The following ATP6V1E1 variants were observed in gnomAD, a reference collection of about 807,000 sequenced individuals.
ATP6V1E1 encodes the protein V-type proton ATPase subunit E 1.
In ATP6V1E1, 21 loss-of-function variants were observed where a neutral mutation model predicts 35.2. That is an observed-to-expected ratio of 0.60 (90% CI 0.42 to 0.86). The LOEUF is 0.86. ATP6V1E1 is among the 40% of genes least tolerant of loss of function. ATP6V1E1 has a pLI of 0.00. For synonymous variants in ATP6V1E1, 83 were observed against 87.8 expected, an observed-to-expected ratio of 0.95 and a Z score of 0.30; for missense variants, 183 against 272.6, an observed-to-expected ratio of 0.67 and a Z score of 2.32.
intron 7 of ATP6V1E1, among the ~76,000 whole-genome samples, chr22:17,597,603 G>A (rs958235169): frequency 3.9e-5 from 6 of 151,906 alleles, no homozygotes; most frequent in East Asian, 1.9e-4. Context: ...CCACCTCCCC[G>A]CAGAAGGAAA....
In ATP6V1E1 at chr22:17,600,018, G is replaced by A. The variant is rs201960147; in HGVS notation, c.435+9C>T. On this transcript the variant is annotated intron_variant, in intron 6 of 8. Transcript: ENST00000253413. ...GGAGGGAGGGAAAAAATTATCCTAA[G>A]TTCTTTACCTTTACCAGAGGGAAAT... 1.1e-5 allele frequency: 18 copies of A among 1,610,456 alleles called. No individual in the cohort carries two copies. The Admixed American group carries it at 2.5e-4, about 22-fold the overall frequency.
chr22:17,601,216 C>T (rs777750348), intron 4 of ATP6V1E1, 35 bp from the exon 5 acceptor site: 2 of 1,582,594 alleles, frequency 1.3e-6, no homozygotes, highest in African/African-American at 2.7e-5. Context: ...GTTATCTACA[C>T]ATCTGGGCAG....
chr22:17,604,615 G>A (rs1484994613), intron 4 of ATP6V1E1, among the ~76,000 whole-genome samples: 2 of 151,174 alleles, frequency 1.3e-5, no homozygotes, highest in African/African-American at 4.9e-5. Context: ...CGCCCCCTGG[G>A]TTCAAGCGAT....
chr22:17,595,690 G>A (rs546666235), intron 7 of ATP6V1E1, among the ~76,000 whole-genome samples: 1 of 152,270 alleles, frequency 6.6e-6, no homozygotes, highest in South Asian at 2.1e-4. Flanking sequence ...GCATGGTGGG[G>A]CGTGCCTGTA....
intron 2 of ATP6V1E1, among the ~76,000 whole-genome samples, chr22:17,615,321 A>G (rs2057838323): frequency 6.6e-6 from 1 of 152,080 alleles, no homozygotes; most frequent in African/African-American, 2.4e-5. Flanking sequence ...TAATTTTTTT[A>G]TACATAAATT....
intron 6 of ATP6V1E1, 53 bp from the exon 7 acceptor site, chr22:17,598,341 T>A: frequency 7.1e-7 from 1 of 1,402,402 alleles, no homozygotes; most frequent in Non-Finnish European, 1.0e-6. Context: ...GAAGCAAGTA[T>A]CCAAAAACTC....
At chr22:17,614,565 A>G (rs1237146761) in intron 2 of ATP6V1E1, among the ~76,000 whole-genome samples, 1 of 151,496 alleles carries the variant, frequency 6.6e-6, no homozygotes, top group Non-Finnish European at 1.5e-5. Context: ...CCAGATACTC[A>G]AGAGGGAGAG....
intron 2 of ATP6V1E1, among the ~76,000 whole-genome samples, chr22:17,617,509 G>C (rs547752431): frequency 6.6e-6 from 1 of 152,194 alleles, no homozygotes; most frequent in East Asian, 1.9e-4. Context: ...GGCCAGGCTG[G>C]TCTTGAACTC....
chr22:17,613,017 G>T, intron 3 of ATP6V1E1, 139 bp from the exon 4 acceptor site: 1 of 915,682 alleles, frequency 1.1e-6, no homozygotes, highest in Non-Finnish European at 1.7e-6. Context: ...ACCTTGCCCA[G>T]CCTGCAGTTT....
intron 7 of ATP6V1E1, 185 bp from the exon 8 acceptor site, chr22:17,594,801 A>G (rs2057722877): frequency 2.2e-6 from 1 of 448,772 alleles, no homozygotes; most frequent in Non-Finnish European, 3.9e-6. Flanking sequence ...AGGAAACCCC[A>G]GTCCCCGCCT....
chr22:17,605,663 T>C (rs2057783003), intron 4 of ATP6V1E1, among the ~76,000 whole-genome samples: 1 of 151,932 alleles, frequency 6.6e-6, no homozygotes, highest in African/African-American at 2.4e-5. Flanking sequence ...ATCTAATTTT[T>C]TTCTAAATAA....
intron 5 of ATP6V1E1, 59 bp from the exon 6 acceptor site, chr22:17,600,154 G>T: frequency 1.4e-6 from 2 of 1,467,718 alleles, no homozygotes; most frequent in East Asian, 4.5e-5. Flanking sequence ...AAAGAAACAG[G>T]TCGGGCACAG....
intron 2 of ATP6V1E1, among the ~76,000 whole-genome samples, chr22:17,617,209 A>C (rs2057850692): frequency 6.6e-6 from 1 of 152,246 alleles, no homozygotes; most frequent in African/African-American, 2.4e-5. Context: ...TTTTATTTCT[A>C]GAGTACCAGG....
At chr22:17,598,432 A>G (rs949376411) in intron 6 of ATP6V1E1, 144 bp from the exon 7 acceptor site, 1 of 648,172 alleles carries the variant, frequency 1.5e-6, no homozygotes, top group African/African-American at 1.8e-5. Context: ...GTAAAACGGC[A>G]CGGCCACTGA....
intron 4 of ATP6V1E1, among the ~76,000 whole-genome samples, chr22:17,605,205 C>CAAAAAAA (rs898076791): frequency 1.8e-4 from 10 of 54,736 alleles, no homozygotes; most frequent in African/African-American, 4.9e-4. Flanking sequence ...GACTTCATCT[C>CAAAAAAA]AAAAAAAAAA....
intron 6 of ATP6V1E1, among the ~76,000 whole-genome samples, chr22:17,598,911 A>G (rs1220121546): frequency 1.3e-5 from 2 of 152,228 alleles, no homozygotes; most frequent in Non-Finnish European, 2.9e-5. Flanking sequence ...AGGTGGGAGT[A>G]ACCCAAGTGT....
At position 17,597,623 on chromosome 22, in the gene ATP6V1E1, A is replaced by G. The variant is rs1325735584; in HGVS notation, c.530+571T>C. Among the ~76,000 whole-genome samples the G allele has an allele frequency of 1.3e-5, 2 of 151,936 alleles. 1 individual carries two copies. Among genetic ancestry groups the G allele is most frequent in the African/African-American group, 4.8e-5 (2 of 41,242 alleles). On this transcript the variant is annotated intron_variant, in intron 7 of 8. Transcript: ENST00000253413. ...TCCCCGCAGAAGGAAAGCAGTGACC[A>G]TAAACCAGACTTTTTTTTTTCTGAG...
intron 7 of ATP6V1E1, among the ~76,000 whole-genome samples, chr22:17,597,633 C>T (rs1269610148): frequency 1.3e-5 from 2 of 150,170 alleles, no homozygotes; most frequent in African/African-American, 4.9e-5. Flanking sequence ...ATAAACCAGA[C>T]TTTTTTTTTT....
At chr22:17,599,972 A>C in intron 6 of ATP6V1E1, 55 bp downstream of exon 6, 5 of 1,124,212 alleles carry the variant, frequency 4.4e-6, no homozygotes, top group Non-Finnish European at 4.9e-6. Context: ...AGAGAGGGGA[A>C]GGAAGAAAGG....
Sources: gnomAD v4.1 joint callset for allele counts (sites outside exome capture counted in the v4.1 genomes callset) on GRCh38, gnomAD v4.1.1 for gene constraint, MANE v1.5 for transcripts, NCBI Gene and HGNC (gene_info 2026-07-23, HGNC 2026-07-21) for gene names.